The following CELF1 variants were observed in gnomAD, a reference collection of about 807,000 sequenced individuals.
The protein encoded by CELF1 is CUGBP Elav-like family member 1.
A neutral mutation model predicts 61.8 loss-of-function variants in CELF1; 10 were observed. That is an observed-to-expected ratio of 0.16 (90% CI 0.10 to 0.27). The LOEUF (loss-of-function observed/expected upper bound fraction) is 0.27, where lower values mean the gene tolerates loss of function less well. Among genes scored for constraint, CELF1 ranks in the 10% least tolerant of loss-of-function variants. The probability of loss-of-function intolerance (pLI) is 1.00; values close to 1 mark genes in which losing one functional copy is unlikely to be tolerated. For synonymous variants in CELF1, 236 were observed against 225.1 expected, an observed-to-expected ratio of 1.05 and a Z score of -0.43; for missense variants, 380 against 639.1, an observed-to-expected ratio of 0.59 and a Z score of 4.37.
rs373287978 is a variant in CELF1 at position 47,488,929 on chromosome 11, T to C, written c.167A>G (p.Glu56Gly). 6.2e-7 allele frequency: 1 copy of C among 1,613,252 alleles called. No individual in the cohort carries two copies. Among genetic ancestry groups the C allele is most frequent in the African/African-American group, 1.3e-5 (1 of 74,766 alleles). ...TTCGAAGAGTTCCCGCAAGTCCTTT[T>C]CAGACCAGGTCCTTGGAACCTGGCC... Reference protein sequence around the residue: ...FVGQVPRTWSEKDLRELFEQY... With the variant: ...FVGQVPRTWSGKDLRELFEQY... Residue 56 changes from glutamate to glycine, a missense_variant, in exon 4 of 15, where the codon GAA (glutamate) becomes GGA (glycine). Coordinates refer to ENST00000687097, the MANE Select transcript of CELF1 (RefSeq NM_001376376.1).
intron 1 of CELF1, among the ~76,000 whole-genome samples, chr11:47,542,382 C>T (rs1250788328): frequency 6.6e-6 from 1 of 151,946 alleles, no homozygotes; most frequent in Non-Finnish European, 1.5e-5. Flanking sequence ...TAAATAAAGC[C>T]GTATCTGCAC....
At chr11:47,473,315 G>GTTA in intron 13 of CELF1, 84 bp from the exon 14 acceptor site, 1 of 1,274,144 alleles carries the variant, frequency 7.8e-7, no homozygotes, top group South Asian at 1.4e-5. Flanking sequence ...TTCCACCTAT[G>GTTA]TTAAAACTGT....
At chr11:47,480,020 T>C (rs931146659) in intron 9 of CELF1, among the ~76,000 whole-genome samples, 3 of 151,476 alleles carry the variant, frequency 2.0e-5, no homozygotes, top group African/African-American at 4.8e-5. Context: ...CAAGTCCACA[T>C]AGTCCAGAAA....
intron 1 of CELF1, among the ~76,000 whole-genome samples, chr11:47,516,623 CAG>C (rs1274403129): frequency 1.3e-5 from 2 of 150,624 alleles, no homozygotes; most frequent in East Asian, 3.9e-4. Flanking sequence ...TTGTTTGAGA[CAG>C]AGTCTCGCTC....
chr11:47,488,789 T>G, intron 4 of CELF1, 48 bp downstream of exon 4: 1 of 1,369,158 alleles, frequency 7.3e-7, no homozygotes, highest in Non-Finnish European at 9.6e-7. Context: ...TCACCTGCTC[T>G]GAGAGTCAGT....
intron 1 of CELF1, among the ~76,000 whole-genome samples, chr11:47,502,313 CAG>C (rs1345937510): frequency 6.6e-6 from 1 of 152,126 alleles, no homozygotes; most frequent in Non-Finnish European, 1.5e-5. Flanking sequence ...GGCAGGTCAC[CAG>C]AGTTATCTCA....
chr11:47,489,800 C>T (rs2090054061), intron 3 of CELF1, among the ~76,000 whole-genome samples: 1 of 152,048 alleles, frequency 6.6e-6, no homozygotes, highest in Admixed American at 6.5e-5. Context: ...TTGTAATTCT[C>T]CTATTTCAGT....
intron 1 of CELF1, among the ~76,000 whole-genome samples, chr11:47,529,633 T>G (rs1207215211): frequency 6.6e-6 from 1 of 151,656 alleles, no homozygotes. Context: ...CACTCCAGCC[T>G]AGGCAACACA....
At position 47,532,919 on chromosome 11, in the gene CELF1, C is replaced by T. The variant is rs535374947; in HGVS notation, c.-154+20073G>A. ...TTTCTGGCTCACTGCAAATGTGCAA[C>T]AGCATTTTATTAAGGAGTTGTTAAT... On this transcript the variant is annotated intron_variant, in intron 1 of 14. Transcript: ENST00000687097. Among the ~76,000 whole-genome samples the T allele has an allele frequency of 3.9e-5, 6 of 152,272 alleles. No homozygotes were observed. The South Asian group carries it at 1.2e-3, about 32-fold the overall frequency.
chr11:47,499,795 C>T, intron 2 of CELF1, 191 bp from the exon 3 acceptor site: 2 of 426,486 alleles, frequency 4.7e-6, no homozygotes, highest in Non-Finnish European at 8.5e-6. Context: ...TTGTTTTGTG[C>T]AATTTTCCCT....
chr11:47,538,143 C>T (rs1406438076), intron 1 of CELF1, among the ~76,000 whole-genome samples: 1 of 151,982 alleles, frequency 6.6e-6, no homozygotes, highest in Admixed American at 6.6e-5. Context: ...AAACTCCTGG[C>T]CTCAAGCAAT....
At chr11:47,551,332 C>CAT (rs756343026) in intron 1 of CELF1, among the ~76,000 whole-genome samples, 1 of 152,190 alleles carries the variant, frequency 6.6e-6, no homozygotes, top group Non-Finnish European at 1.5e-5. Flanking sequence ...CTAGGGGAAC[C>CAT]ATAACCTTCC....
intron 1 of CELF1, among the ~76,000 whole-genome samples, chr11:47,545,058 G>A (rs1055311986): frequency 5.9e-5 from 9 of 152,002 alleles, no homozygotes; most frequent in Non-Finnish European, 1.0e-4. Context: ...CCAGACAGGC[G>A]GATAACTTGA....
intron 1 of CELF1, among the ~76,000 whole-genome samples, chr11:47,506,600 G>T (rs771311955): frequency 6.6e-6 from 1 of 152,244 alleles, no homozygotes; most frequent in Non-Finnish European, 1.5e-5. Flanking sequence ...CGCAACAGCT[G>T]TAAGAACTAG....
At chr11:47,485,517 T>C (rs1036218432) in intron 6 of CELF1, among the ~76,000 whole-genome samples, 1 of 152,184 alleles carries the variant, frequency 6.6e-6, no homozygotes, top group Non-Finnish European at 1.5e-5. Context: ...AAGAAGAGGT[T>C]TTCACACTTG....
At chr11:47,511,387 T>C (rs923978530) in intron 1 of CELF1, among the ~76,000 whole-genome samples, 2 of 5,374 alleles carry the variant, frequency 3.7e-4, no homozygotes, top group Admixed American at 1.6e-3. Context: ...GATGAAATAA[T>C]TCAAACAATA....
chr11:47,484,317 C>CAAA, intron 7 of CELF1, 72 bp downstream of exon 7: 77 of 1,271,066 alleles, frequency 6.1e-5, no homozygotes, highest in Non-Finnish European at 7.2e-5. Flanking sequence ...ACCTTGTCTC[C>CAAA]AAAAAAAAAA....
intron 3 of CELF1, among the ~76,000 whole-genome samples, chr11:47,498,628 G>A (rs145834829): frequency 6.4e-4 from 98 of 152,270 alleles, no homozygotes; most frequent in African/African-American, 2.3e-3. Flanking sequence ...TCATTTGCTG[G>A]AGGTTCCAAA....
intron 1 of CELF1, among the ~76,000 whole-genome samples, chr11:47,530,917 T>C (rs548220612): frequency 1.3e-5 from 2 of 152,086 alleles, no homozygotes; most frequent in East Asian, 1.9e-4. Flanking sequence ...ATCATGCCAT[T>C]GCACTCCAAG....
Sources: gnomAD v4.1 joint callset for allele counts (sites outside exome capture counted in the v4.1 genomes callset) on GRCh38, gnomAD v4.1.1 for gene constraint, MANE v1.5 for transcripts, NCBI Gene and HGNC (gene_info 2026-07-23, HGNC 2026-07-21) for gene names.